Variants in ARL15 observed in about 807,000 individuals in gnomAD.
ARL15 encodes the protein ARF like GTPase 15.
In ARL15, 19 loss-of-function variants were observed where a neutral mutation model predicts 25.2. That is an observed-to-expected ratio of 0.75 (90% CI 0.53 to 1.10). ARL15 has a LOEUF of 1.10. ARL15 is among the 50% of genes least tolerant of loss of function. The pLI is 0.00. For missense variants in ARL15, 220 were observed against 246.0 expected, an observed-to-expected ratio of 0.89 and a Z score of 0.71; for synonymous variants, 94 against 86.8, an observed-to-expected ratio of 1.08 and a Z score of -0.46.
At chr5:54,043,647 A>C (rs1386170329) in intron 4 of ARL15, among the ~76,000 whole-genome samples, 6 of 152,196 alleles carry the variant, frequency 3.9e-5, no homozygotes, top group Non-Finnish European at 7.3e-5. Flanking sequence ...TCATAGGGAA[A>C]GAGAACATTT....
intron 4 of ARL15, among the ~76,000 whole-genome samples, chr5:53,978,070 G>A (rs1748000876): frequency 1.3e-5 from 2 of 152,050 alleles, no homozygotes; most frequent in African/African-American, 2.4e-5. Context: ...ATCCAAAAAG[G>A]TCTAGGTCAT....
intron 4 of ARL15, among the ~76,000 whole-genome samples, chr5:53,998,964 G>T (rs1235409414): frequency 6.6e-6 from 1 of 152,178 alleles, no homozygotes; most frequent in Non-Finnish European, 1.5e-5. Context: ...GATGCTGAAG[G>T]GATGTGGGGG....
chr5:54,149,396 G>C (rs1167553534), intron 3 of ARL15, among the ~76,000 whole-genome samples: 1 of 147,846 alleles, frequency 6.8e-6, no homozygotes, highest in South Asian at 2.1e-4. Flanking sequence ...ACCACAAAGA[G>C]AAAAAAAAAA....
At chr5:54,308,867 C>G (rs1223911862) in intron 1 of ARL15, among the ~76,000 whole-genome samples, 3 of 152,086 alleles carry the variant, frequency 2.0e-5, no homozygotes, top group African/African-American at 4.8e-5. Context: ...TTTTTAAGAA[C>G]TATTTAAGTA....
chr5:54,217,109 G>A (rs985358178), intron 1 of ARL15, among the ~76,000 whole-genome samples: 9 of 151,422 alleles, frequency 5.9e-5, no homozygotes, highest in Admixed American at 1.3e-4. Context: ...AATTCAGTTC[G>A]ATTTAAAAGG....
At chr5:54,199,998 C>T (rs1441754469) in intron 1 of ARL15, among the ~76,000 whole-genome samples, 3 of 151,148 alleles carry the variant, frequency 2.0e-5, no homozygotes, top group Non-Finnish European at 4.4e-5. Flanking sequence ...TTTGTAGGAA[C>T]GTGGATGAAA....
intron 3 of ARL15, among the ~76,000 whole-genome samples, chr5:54,148,030 A>G (rs1753960706): frequency 6.6e-6 from 1 of 152,190 alleles, no homozygotes; most frequent in Non-Finnish European, 1.5e-5. Context: ...GAAAATGCGT[A>G]AGATAAAAAT....
At chr5:53,911,198 C>G (rs937415497) in intron 4 of ARL15, among the ~76,000 whole-genome samples, 1 of 152,116 alleles carries the variant, frequency 6.6e-6, no homozygotes, top group African/African-American at 2.4e-5. Context: ...GAAGCTTCAA[C>G]TGAAGTTCAC....
At chr5:54,052,502 T>C (rs1246034147) in intron 4 of ARL15, among the ~76,000 whole-genome samples, 1 of 152,126 alleles carries the variant, frequency 6.6e-6, no homozygotes, top group Non-Finnish European at 1.5e-5. Flanking sequence ...TGGATTAATT[T>C]TGAAACCATT....
chr5:54,194,331 T>C (rs1579896933), intron 1 of ARL15, among the ~76,000 whole-genome samples: 1 of 152,254 alleles, frequency 6.6e-6, no homozygotes, highest in South Asian at 2.1e-4. Flanking sequence ...TAAAAGATGA[T>C]TCAAGCCTAA....
intron 4 of ARL15, among the ~76,000 whole-genome samples, chr5:53,995,534 T>C (rs1748642705): frequency 6.6e-6 from 1 of 152,104 alleles, no homozygotes. Flanking sequence ...TTATTGAGTG[T>C]CCAATGTCAG....
At chr5:53,981,040 T>C (rs1039222389) in intron 4 of ARL15, among the ~76,000 whole-genome samples, 1 of 152,156 alleles carries the variant, frequency 6.6e-6, no homozygotes, top group African/African-American at 2.4e-5. Flanking sequence ...AGGGAATTAC[T>C]GAAGGAACCC....
rs553967322 is a variant in ARL15, at chr5:53,990,162, A to G, written c.463-103449T>C. Among the ~76,000 whole-genome samples, 8 of 152,160 alleles carry G rather than the reference A, an allele frequency of 5.3e-5. No individual in the cohort carries two copies. The South Asian group carries it at 1.7e-3, about 32-fold the overall frequency. On this transcript the variant is annotated intron_variant, in intron 4 of 4. Coordinates refer to ENST00000504924, the MANE Select transcript of ARL15 (RefSeq NM_019087.3). ...AGGATCGCTCAAGCCCAGGTCGTCT[A>G]TAGTGAGCTAGGATCACTATAGTGA...
At chr5:54,215,619 G>A (rs929560861) in intron 1 of ARL15, among the ~76,000 whole-genome samples, 1 of 122,692 alleles carries the variant, frequency 8.2e-6, no homozygotes, top group Non-Finnish European at 2.1e-5. Context: ...AGTGCGCGAA[G>A]GGGGGAGGGG....
chr5:54,252,423 C>T (rs1757254284), intron 1 of ARL15, among the ~76,000 whole-genome samples: 1 of 152,166 alleles, frequency 6.6e-6, no homozygotes, highest in African/African-American at 2.4e-5. Context: ...AAAACACTTG[C>T]TACTTAGAAG....
At chr5:53,984,784 C>A (rs1423734929) in intron 4 of ARL15, among the ~76,000 whole-genome samples, 2 of 151,990 alleles carry the variant, frequency 1.3e-5, no homozygotes, top group Non-Finnish European at 2.9e-5. Flanking sequence ...TGAGAAAACC[C>A]TTATTTATAC....
At chr5:54,258,852 C>T (rs779539571) in intron 1 of ARL15, among the ~76,000 whole-genome samples, 13 of 152,146 alleles carry the variant, frequency 8.5e-5, no homozygotes, top group South Asian at 2.1e-4. Flanking sequence ...GGTGGGGAAA[C>T]GGGGGCAGTG....
At chr5:53,979,877 G>A (rs1460212592) in intron 4 of ARL15, among the ~76,000 whole-genome samples, 1 of 116,452 alleles carries the variant, frequency 8.6e-6, no homozygotes, top group East Asian at 2.7e-4. Flanking sequence ...GTGTGTGTGT[G>A]TATGTTTCGT....
chr5:54,000,465 G>T (rs2111717997), intron 4 of ARL15, among the ~76,000 whole-genome samples: 1 of 152,254 alleles, frequency 6.6e-6, no homozygotes, highest in East Asian at 1.9e-4. Context: ...CCCTTCAGAA[G>T]GGTTGAAACT....
Sources: gnomAD v4.1 joint callset for allele counts (sites outside exome capture counted in the v4.1 genomes callset) on GRCh38, gnomAD v4.1.1 for gene constraint, MANE v1.5 for transcripts, NCBI Gene and HGNC (gene_info 2026-07-23, HGNC 2026-07-21) for gene names.